Variants in CDH6 observed in about 807,000 individuals in gnomAD.
CDH6 encodes the protein cadherin 6.
Under a neutral mutation model 78.0 loss-of-function variants are expected in CDH6, and 31 were observed. That is an observed-to-expected ratio of 0.40 (90% CI 0.30 to 0.54). The LOEUF (loss-of-function observed/expected upper bound fraction) is 0.54, where lower values mean the gene tolerates loss of function less well. Ranked by LOEUF, CDH6 falls within the 20% of genes least tolerant of loss-of-function variation. The pLI, the probability that CDH6 is intolerant of heterozygous loss-of-function variation, is 0.56. For synonymous variants in CDH6, 376 were observed against 368.8 expected (o/e 1.02, Z -0.23); for missense variants, 724 against 975.9 (o/e 0.74, Z 3.44).
At chr5:31,304,961 T>G (rs1737937432) in intron 6 of CDH6, among the ~76,000 whole-genome samples, 1 of 152,174 alleles carries the variant, frequency 6.6e-6, no homozygotes, top group Non-Finnish European at 1.5e-5. Flanking sequence ...TTCACAAACT[T>G]TATAATCGTT....
rs1738518147 is a variant in CDH6, at chr5:31,323,119, T to G, written c.2184T>G (p.Thr728=). Reference sequence around the variant, plus strand: ...TAAAGGAAAATGACACGGACCCCACTGCCCCGCCATACGACTCCTTGGCCA... The same window carrying G: ...TAAAGGAAAATGACACGGACCCCACGGCCCCGCCATACGACTCCTTGGCCA... ...QRLKENDTDP[T]APPYDSLATY... Residue 728 remains threonine, a synonymous_variant, in exon 12 of 12, where the codon ACT becomes ACG. Transcript: ENST00000265071. 1 of 1,614,048 alleles carries G rather than the reference T, an allele frequency of 6.2e-7. No homozygotes were observed. Among genetic ancestry groups the G allele is most frequent in the African/African-American group, 1.3e-5 (1 of 74,922 alleles).
intron 1 of CDH6, among the ~76,000 whole-genome samples, chr5:31,237,384 C>A (rs1175432078): frequency 6.6e-6 from 1 of 152,120 alleles, no homozygotes; most frequent in Non-Finnish European, 1.5e-5. Flanking sequence ...ATGGCGAACA[C>A]TTTGAACCAC....
chr5:31,315,276 A>C (rs1303044584), intron 8 of CDH6, among the ~76,000 whole-genome samples: 1 of 152,200 alleles, frequency 6.6e-6, no homozygotes, highest in Non-Finnish European at 1.5e-5. Flanking sequence ...ATTACAATAA[A>C]GCTCCAGGAA....
At chr5:31,211,309 G>A (rs1419985586) in intron 1 of CDH6, among the ~76,000 whole-genome samples, 1 of 151,890 alleles carries the variant, frequency 6.6e-6, no homozygotes, top group African/African-American at 2.4e-5. Flanking sequence ...TTTGGCTTGG[G>A]CTTCAACTTT....
intron 1 of CDH6, among the ~76,000 whole-genome samples, chr5:31,218,789 T>G (rs1043960696): frequency 3.9e-5 from 6 of 152,194 alleles, no homozygotes; most frequent in Non-Finnish European, 7.3e-5. Context: ...CACAGGGTCA[T>G]CTATAAAATT....
At chr5:31,271,571 C>G (rs554350743) in intron 2 of CDH6, among the ~76,000 whole-genome samples, 1 of 152,208 alleles carries the variant, frequency 6.6e-6, no homozygotes, top group Non-Finnish European at 1.5e-5. Context: ...CAACCACTCA[C>G]TTAAAATGGT....
chr5:31,273,586 T>C (rs1287606136), intron 2 of CDH6, among the ~76,000 whole-genome samples: 1 of 152,316 alleles, frequency 6.6e-6, no homozygotes, highest in Middle Eastern at 3.4e-3. Context: ...TACTCAGTTA[T>C]ACACCCTCGC....
At chr5:31,277,035 G>A (rs1207263549) in intron 2 of CDH6, among the ~76,000 whole-genome samples, 2 of 152,292 alleles carry the variant, frequency 1.3e-5, no homozygotes, top group East Asian at 3.9e-4. Context: ...CCAATGTTGT[G>A]AAGCCAAGTA....
intron 6 of CDH6, among the ~76,000 whole-genome samples, chr5:31,303,396 C>A (rs1445059754): frequency 6.6e-6 from 1 of 152,130 alleles, no homozygotes; most frequent in African/African-American, 2.4e-5. Flanking sequence ...GTATAAAGAC[C>A]ACAAGTTTAA....
chr5:31,321,445 G>T (rs1413631693), intron 11 of CDH6, among the ~76,000 whole-genome samples: 1 of 152,094 alleles, frequency 6.6e-6, no homozygotes, highest in African/African-American at 2.4e-5. Context: ...TGAATTGCAT[G>T]TACCTGTAAC....
chr5:31,298,125 A>T (rs1448075206), intron 4 of CDH6, among the ~76,000 whole-genome samples: 1 of 152,040 alleles, frequency 6.6e-6, no homozygotes, highest in Non-Finnish European at 1.5e-5. Flanking sequence ...TCAACATCTC[A>T]TTTTTCTGTT....
intron 2 of CDH6, among the ~76,000 whole-genome samples, chr5:31,288,531 A>G (rs1156398437): frequency 6.6e-6 from 1 of 152,192 alleles, no homozygotes; most frequent in Non-Finnish European, 1.5e-5. Flanking sequence ...TTACGTATAC[A>G]TGCATTATAT....
At chr5:31,298,590 C>T (rs992724343) in intron 4 of CDH6, among the ~76,000 whole-genome samples, 4 of 152,128 alleles carry the variant, frequency 2.6e-5, no homozygotes, top group Admixed American at 1.3e-4. Flanking sequence ...AAGATATTTT[C>T]GCTTCATTAG....
At chr5:31,236,913 G>A (rs923754996) in intron 1 of CDH6, among the ~76,000 whole-genome samples, 1 of 152,112 alleles carries the variant, frequency 6.6e-6, no homozygotes, top group African/African-American at 2.4e-5. Flanking sequence ...CTTGGGGAGT[G>A]CTGTGGAATC....
At position 31,328,978 on chromosome 5, in the gene CDH6, C is replaced by G. The variant is rs1226341802; in HGVS notation, c.*5670C>G. The G allele has an allele frequency of 4.5e-6, 1 of 220,426 alleles. No homozygotes were observed. 13.7% of individuals were successfully genotyped at this position (220,426 alleles called of 1,614,324 possible). On this transcript the variant is annotated 3_prime_UTR_variant, in exon 12 of 12. Coordinates refer to ENST00000265071, the MANE Select transcript of CDH6 (RefSeq NM_004932.4). ...GTTGCAGTCAAATGGCAAATACGCA[C>G]TCCTTGAAATGGCTTCTTTTATTTG...
At position 31,246,074 on chromosome 5, in the gene CDH6, A is replaced by C. The variant is rs563815976; in HGVS notation, c.-128-21272A>C. Among the ~76,000 whole-genome samples, 411 of 151,538 alleles carry C rather than the reference A, an allele frequency of 2.7e-3. 6 individuals are homozygous for C. The highest frequency in any genetic ancestry group is 9.8e-3 in the African/African-American group (404 of 41,326). On this transcript the variant is annotated intron_variant, in intron 1 of 11. Transcript: ENST00000265071. The stretch of plus-strand genomic sequence containing the variant: ...AGGCACACACCACCACACCCAGCTA[A>C]ATTTTTTTTGTATTTTTAGTAGAGA...
intron 1 of CDH6, among the ~76,000 whole-genome samples, chr5:31,223,732 T>C (rs1429854193): frequency 1.3e-5 from 2 of 152,248 alleles, no homozygotes; most frequent in African/African-American, 4.8e-5. Context: ...TAATCATTAC[T>C]AATTAATGGA....
Position 31,325,232 on chromosome 5 carries a change from T to C in CDH6, c.*1924T>C, listed in dbSNP as rs1405044620. On this transcript the variant is annotated 3_prime_UTR_variant, in exon 12 of 12. Transcript: ENST00000265071. ...TTCTGAATGGTTTCCGATTTTATAATGGACTGCCCTATATAGTAACAAGTA... is the reference window on the plus strand; with the variant it reads ...TTCTGAATGGTTTCCGATTTTATAACGGACTGCCCTATATAGTAACAAGTA... The C allele has an allele frequency of 4.3e-6, 1 of 230,010 alleles. No homozygotes were observed. Among genetic ancestry groups the C allele is most frequent in the Non-Finnish European group, 8.6e-6 (1 of 116,082 alleles). 14.2% of individuals were successfully genotyped at this position (230,010 alleles called of 1,614,324 possible). A position where few individuals can be genotyped will look rare whatever the true frequency, so the allele number is the denominator to read the frequency against.
chr5:31,249,069 G>A (rs1192203365), intron 1 of CDH6: 1 of 152,084 alleles, frequency 6.6e-6, no homozygotes, highest in Non-Finnish European at 1.5e-5. Context: ...TAATTAGCTA[G>A]ATCTAATCAT....
Sources: gnomAD v4.1 joint callset for allele counts (sites outside exome capture counted in the v4.1 genomes callset) on GRCh38, gnomAD v4.1.1 for gene constraint, MANE v1.5 for transcripts, NCBI Gene and HGNC (gene_info 2026-07-23, HGNC 2026-07-21) for gene names.